The following XKR4 variants were observed in gnomAD, a reference collection of about 807,000 sequenced individuals.
XKR4 encodes the protein XK-related protein 4.
A neutral mutation model predicts 53.9 loss-of-function variants in XKR4; 12 were observed. The ratio of observed to expected loss-of-function variants is 0.22; its 90% CI spans 0.14 to 0.36. XKR4 has a LOEUF of 0.36. Ranked by LOEUF, XKR4 falls within the 10% of genes least tolerant of loss-of-function variation. The pLI is 1.00. For missense variants in XKR4, 799 were observed against 859.5 expected (o/e 0.93, Z 0.88); for synonymous variants, 354 against 362.4 (o/e 0.98, Z 0.26).
At chr8:55,367,280 C>T (rs1804003085) in intron 2 of XKR4, among the ~76,000 whole-genome samples, 2 of 151,826 alleles carry the variant, frequency 1.3e-5, no homozygotes, top group Non-Finnish European at 2.9e-5. Context: ...CAGTGTTGTG[C>T]TTGTGAGATA....
At chr8:55,520,520 C>T (rs1417000970) in intron 2 of XKR4, among the ~76,000 whole-genome samples, 1 of 152,124 alleles carries the variant, frequency 6.6e-6, no homozygotes, top group Non-Finnish European at 1.5e-5. Context: ...CAGGAGGTGA[C>T]GGCTACAGTA....
At chr8:55,454,145 G>A (rs981583426) in intron 2 of XKR4, 20 of 907,268 alleles carry the variant, frequency 2.2e-5, no homozygotes, top group Middle Eastern at 2.4e-4. Context: ...CTCCAGCTCC[G>A]GGTCCAGGAC....
chr8:55,163,263 A>C (rs565067814), intron 1 of XKR4, among the ~76,000 whole-genome samples: 1 of 152,358 alleles, frequency 6.6e-6, no homozygotes, highest in African/African-American at 2.4e-5. Flanking sequence ...ATTATTAGCT[A>C]CTTGCTTTTA....
intron 2 of XKR4, among the ~76,000 whole-genome samples, chr8:55,402,057 G>A (rs144857749): frequency 1.4e-4 from 22 of 152,136 alleles, no homozygotes; most frequent in African/African-American, 4.8e-4. Context: ...GATGATTCTT[G>A]TATCTCCTTC....
At chr8:55,400,803 C>T (rs1179158662) in intron 2 of XKR4, among the ~76,000 whole-genome samples, 2 of 152,206 alleles carry the variant, frequency 1.3e-5, no homozygotes, top group East Asian at 3.9e-4. Flanking sequence ...TGCCTTCCCT[C>T]TTCCACGTTG....
chr8:55,123,572 A>G (rs945020467), intron 1 of XKR4, among the ~76,000 whole-genome samples: 3 of 152,214 alleles, frequency 2.0e-5, no homozygotes, highest in Non-Finnish European at 4.4e-5. Context: ...CTTCGAGAAC[A>G]TCTCAGGAGC....
rs761226080 is a variant in XKR4 at position 55,103,010 on chromosome 8, G to A, written c.522G>A (p.Glu174=). ...GGTTTGTGCACGATTTCAGCACCGA[G>A]GACAGCGCCACGGCCGCTGCTGCCT... is the stretch of plus-strand genomic sequence containing the variant. ...FRWFVHDFST[E]DSATAAAASS... Residue 174 remains glutamate (E), a synonymous_variant, in exon 1 of 3, where the codon GAG becomes GAA. Coordinates refer to ENST00000327381, the MANE Select transcript of XKR4 (RefSeq NM_052898.2). The A allele has an allele frequency of 7.4e-6, 12 of 1,612,234 alleles. No individual in the cohort carries two copies. The African/African-American group carries it at 1.3e-4, about 18-fold the overall frequency.
Position 55,174,475 on chromosome 8 carries a change from C to T in XKR4, c.806+71181C>T, listed in dbSNP as rs149960009. ...TACATCTTCTGTATTTTGGAGCATC[C>T]GGGGCTTCACAAAGTGCTTGTCATA... On this transcript the variant is annotated intron_variant, in intron 1 of 2. Transcript: ENST00000327381. 8.4e-4 allele frequency among the ~76,000 whole-genome samples: 128 copies of T among 152,158 alleles called. No individual in the cohort carries two copies. In the Middle Eastern group the frequency reaches 0.027, roughly 32 times the overall value.
intron 1 of XKR4, among the ~76,000 whole-genome samples, chr8:55,151,862 AT>A (rs1816845070): frequency 6.6e-6 from 1 of 152,148 alleles, no homozygotes; most frequent in South Asian, 2.1e-4. Flanking sequence ...ATTCACCAAA[AT>A]TTATTTGACC....
At chr8:55,508,352 A>G (rs913064322) in intron 2 of XKR4, among the ~76,000 whole-genome samples, 1 of 152,214 alleles carries the variant, frequency 6.6e-6, no homozygotes, top group Admixed American at 6.5e-5. Context: ...AATTTAGAAC[A>G]TCTCTAAATT....
chr8:55,285,275 G>A (rs571517537), intron 1 of XKR4, among the ~76,000 whole-genome samples: 2 of 152,286 alleles, frequency 1.3e-5, no homozygotes. Flanking sequence ...TCTACAAAAT[G>A]ATCAGTTGTC....
chr8:55,230,048 A>G (rs1818010275), intron 1 of XKR4, among the ~76,000 whole-genome samples: 1 of 152,044 alleles, frequency 6.6e-6, no homozygotes. Flanking sequence ...GTTGTGTTGC[A>G]ATCATTTTCT....
intron 1 of XKR4, among the ~76,000 whole-genome samples, chr8:55,225,434 A>G (rs1367555870): frequency 1.3e-5 from 2 of 152,248 alleles, no homozygotes; most frequent in African/African-American, 4.8e-5. Context: ...CACAGTCTAA[A>G]TGGGCTATAT....
At chr8:55,243,119 G>A (rs1403507044) in intron 1 of XKR4, among the ~76,000 whole-genome samples, 1 of 152,140 alleles carries the variant, frequency 6.6e-6, no homozygotes, top group Admixed American at 6.5e-5. Flanking sequence ...CACATGCACA[G>A]CCTCCCCACT....
chr8:55,213,840 CT>C (rs1312727178), intron 1 of XKR4, among the ~76,000 whole-genome samples: 2 of 117,722 alleles, frequency 1.7e-5, no homozygotes, highest in Admixed American at 1.7e-4. Context: ...ATTAATACTT[CT>C]TTTTTTCTTT....
chr8:55,432,530 G>A (rs114757193), intron 2 of XKR4, among the ~76,000 whole-genome samples: 238 of 152,256 alleles, frequency 1.6e-3, no homozygotes, highest in African/African-American at 5.5e-3. Context: ...AGAGCAAGGC[G>A]GTCTTCATAG....
chr8:55,325,498 T>C (rs1311108137), intron 1 of XKR4, among the ~76,000 whole-genome samples: 19 of 152,208 alleles, frequency 1.2e-4, no homozygotes, highest in Admixed American at 1.2e-3. Context: ...CTGCGGGGTC[T>C]TCAGTTAATT....
At chr8:55,261,071 A>C (rs6985197) in intron 1 of XKR4, among the ~76,000 whole-genome samples, 1 of 152,006 alleles carries the variant, frequency 6.6e-6, no homozygotes, top group Non-Finnish European at 1.5e-5. Flanking sequence ...CTTAACTCCT[A>C]TATCACTACC....
rs374604470 is a variant in XKR4 at position 55,247,835 on chromosome 8, T to TTTTCTTTC, written c.807-109827_807-109820dup. On this transcript the variant is annotated intron_variant, in intron 1 of 2. Transcript: ENST00000327381. ...TTACATTATTAATTTTAATTTTTCTTTTTCTTTCTTTCTTTCTTTCTTTTT... is the reference window on the plus strand; with the variant it reads ...TTACATTATTAATTTTAATTTTTCTTTTTCTTTCTTTCTTTCTTTCTTTCTTTCTTTTT... Among the ~76,000 whole-genome samples, 196 of 65,138 alleles carry TTTTCTTTC rather than the reference T, an allele frequency of 3.0e-3. 3 individuals are homozygous for TTTTCTTTC. The highest frequency in any genetic ancestry group is 6.3e-3 in the African/African-American group (184 of 29,250). 42.7% of individuals were successfully genotyped at this position (65,138 alleles called of 152,430 possible).
Sources: allele counts gnomAD v4.1 joint callset (sites outside exome capture counted in the v4.1 genomes callset), GRCh38; gene constraint gnomAD v4.1.1; transcripts MANE v1.5; gene names NCBI Gene and HGNC (gene_info 2026-07-23, HGNC 2026-07-21).